The following GPC2 variants were observed in gnomAD, a reference collection of about 807,000 sequenced individuals.
GPC2 encodes the protein glypican 2.
GPC2 carries 42 observed loss-of-function variants against 57.3 expected under a neutral mutation model. The observed-to-expected ratio is 0.73, with a 90% CI of 0.57 to 0.95. The LOEUF (loss-of-function observed/expected upper bound fraction) is 0.95. GPC2 is among the 40% of genes least tolerant of loss of function. The probability of loss-of-function intolerance (pLI) is 0.00; values close to 1 mark genes in which losing one functional copy is unlikely to be tolerated. For synonymous variants in GPC2, 364 were observed against 343.4 expected (o/e 1.06, Z -0.66); for missense variants, 745 against 793.6 (o/e 0.94, Z 0.74).
chr7:100,173,185 T>C (rs1314185518), intron 5 of GPC2, among the ~76,000 whole-genome samples: 1 of 152,194 alleles, frequency 6.6e-6, no homozygotes, highest in African/African-American at 2.4e-5. Context: ...CAAGCTGGTC[T>C]TGAACTCCTG....
chr7:100,176,035 CA>C, intron 2 of GPC2, 141 bp from the exon 3 acceptor site: 1 of 819,260 alleles, frequency 1.2e-6, no homozygotes, highest in Non-Finnish European at 1.9e-6. Flanking sequence ...AGAGATGGGG[CA>C]GACAGGGAAT....
intron 9 of GPC2, chr7:100,170,940 C>T (rs1799165976): frequency 8.5e-6 from 3 of 355,010 alleles, no homozygotes; most frequent in Non-Finnish European, 1.5e-5. Context: ...AGCTCAATGT[C>T]ACCCACCACC....
In GPC2 at chr7:100,173,905, G is replaced by T. The variant is rs866123516; in HGVS notation, c.822C>A (p.Gly274=). The stretch of plus-strand genomic sequence containing the variant: ...AGCCACGAACCACGTTGAGGCAGAA[G>T]CCCTGGCAGGGCATAAGTGAGGGGA... The part of the protein sequence containing the change: ...RGVPSLMPCQ[G]FCLNVVRGCL... Residue 274 remains glycine (G), a synonymous_variant, in exon 5 of 10, where the codon GGC becomes GGA. Coordinates refer to ENST00000292377, the MANE Select transcript of GPC2 (RefSeq NM_152742.3). 6.2e-7 allele frequency: 1 copy of T among 1,606,158 alleles called. No homozygotes were observed. Among genetic ancestry groups the T allele is most frequent in the Non-Finnish European group, 8.5e-7 (1 of 1,176,466 alleles).
chr7:100,172,153 G>A lies in GPC2; in HGVS notation c.957C>T (p.Ser319=), dbSNP rs145298547. 1,506 of 1,613,986 alleles carry A rather than the reference G, an allele frequency of 9.3e-4. 1 individual carries two copies. Among genetic ancestry groups the A allele is most frequent in the Middle Eastern group, 1.2e-3 (7 of 6,062 alleles). ...AACCCTCCGAGATCTTCACCCCAAT[G>A]GACTCGGCCGTCAGCTCAAAGGAAA... ...GPFSFELTAE[S]IGVKISEGLM... is the part of the protein sequence containing the mutation. The change falls in exon 6 of 10, where the codon TCC becomes TCT. Residue 319 remains serine, a synonymous_variant. Coordinates refer to ENST00000292377, the MANE Select transcript of GPC2 (RefSeq NM_152742.3).
chr7:100,173,652 GTC>G (rs538787303), intron 5 of GPC2, 181 bp downstream of exon 5: 2,087 of 384,572 alleles, frequency 5.4e-3, no homozygotes, highest in East Asian at 7.5e-3. Flanking sequence ...TTCTTTCTCT[GTC>G]TCTCTCTCTC....
intron 4 of GPC2, 91 bp downstream of exon 4, chr7:100,174,594 T>A (rs1799237506): frequency 2.2e-6 from 2 of 930,170 alleles, no homozygotes; most frequent in Non-Finnish European, 3.5e-6. Context: ...AGGCCTGTCC[T>A]GCTGGCTGGT....
chr7:100,171,335 C>T lies in GPC2; in HGVS notation c.1412G>A (p.Arg471Gln). Residue 471 changes from arginine to glutamine, a missense_variant, in exon 9 of 10, where the codon CGG becomes CAG. Around this residue, in one of 2 missense-constraint regions of GPC2, gnomAD observed 607 missense variants for 603.9 expected, o/e 1.01. Transcript: ENST00000292377. This position sits in a 1 kb window ranked among gnomAD's most constrained non-coding sequence, Gnocchi z 4.8. ...SGPDVPTRRR[R>Q]LQLRAATARM... ...GGCCGTGGCCGCCCGGAGCTGTAGCCGACGCCGCCGTGTCGGGACATCGGG... is the reference window on the plus strand; with the variant it reads ...GGCCGTGGCCGCCCGGAGCTGTAGCTGACGCCGCCGTGTCGGGACATCGGG... 1 of 1,542,870 alleles carries T rather than the reference C, an allele frequency of 6.5e-7. No individual in the cohort carries two copies. The highest frequency in any genetic ancestry group is 8.7e-7 in the Non-Finnish European group (1 of 1,144,002).
Position 100,171,006 on chromosome 7 carries a change from G to A in GPC2, c.1486+255C>T. ...CTCCCCCATTTTCCCACTGCCCTTT[G>A]CCCATTATAAGGGGCTTCCCACTGT... On this transcript the variant is annotated intron_variant, in intron 9 of 9. Coordinates refer to ENST00000292377, the MANE Select transcript of GPC2 (RefSeq NM_152742.3). The surrounding 1 kb of genome is among the most constrained non-coding windows in gnomAD (Gnocchi z 4.8). 2.6e-6 allele frequency: 1 copy of A among 384,514 alleles called. No homozygotes were observed. The highest frequency in any genetic ancestry group is 4.6e-6 in the Non-Finnish European group (1 of 218,620). 23.8% of individuals were successfully genotyped at this position (384,514 alleles called of 1,614,324 possible).
At position 100,170,224 on chromosome 7, in the gene GPC2, C is replaced by T. The variant is rs769263562; in HGVS notation, c.*6G>A. Reference sequence around the variant, plus strand: ...ACCCTTCTGATGCTAGGGCACCCCTCCCCCGTTATCGAGGTCCAAGCAGGG... The same window carrying T: ...ACCCTTCTGATGCTAGGGCACCCCTTCCCCGTTATCGAGGTCCAAGCAGGG... On this transcript the variant is annotated 3_prime_UTR_variant, in exon 10 of 10. Transcript: ENST00000292377. 6 of 1,546,452 alleles carry T rather than the reference C, an allele frequency of 3.9e-6. No individual in the cohort carries two copies. Among genetic ancestry groups the T allele is most frequent in the Non-Finnish European group, 4.4e-6 (5 of 1,143,970 alleles).
rs968036668 is a variant in GPC2, at chr7:100,171,153, A to G, written c.1486+108T>C. 1 of 976,870 alleles carries G rather than the reference A, an allele frequency of 1.0e-6. No individual in the cohort carries two copies. 60.5% of individuals were successfully genotyped at this position (976,870 alleles called of 1,614,324 possible). On this transcript the variant is annotated intron_variant, in intron 9 of 9. Transcript: ENST00000292377. The surrounding 1 kb of genome is among the most constrained non-coding windows in gnomAD (Gnocchi z 4.8). The stretch of plus-strand genomic sequence containing the variant: ...AAATGCTCGTTGAATGAATTAGTGA[A>G]TTAATCAATGAACGCTAAGAGCAGA...
chr7:100,172,089 G>A lies in GPC2; in HGVS notation c.1021C>T (p.Gln341Ter). ...CTCCACCCTTCTCTCCCCTGTACCTGGGCGGACACCTTCGCACTGTTTTCC... is the reference window on the plus strand; with the variant it reads ...CTCCACCCTTCTCTCCCCTGTACCTAGGCGGACACCTTCGCACTGTTTTCC... ...LQENSAKVSA[Q>*]VFQECGPPDP... The change falls in exon 6 of 10, where the codon CAG becomes TAG. Residue 341 changes from glutamine (Q) to a stop codon, truncating the protein, a stop_gained and splice_region_variant. Transcript: ENST00000292377. LOFTEE classifies it high-confidence loss of function. 1 of 1,613,956 alleles carries A rather than the reference G, an allele frequency of 6.2e-7. No homozygotes were observed. The highest frequency in any genetic ancestry group is 8.5e-7 in the Non-Finnish European group (1 of 1,179,980).
chr7:100,174,507 C>T lies in GPC2; in HGVS notation c.729+178G>A, dbSNP rs762455397. 5 of 691,318 alleles carry T rather than the reference C, an allele frequency of 7.2e-6. No homozygotes were observed. The East Asian group carries it at 8.1e-5, about 11-fold the overall frequency. 42.8% of individuals were successfully genotyped at this position (691,318 alleles called of 1,614,324 possible). ...GGGGTCAGAGATCATGGATCGTGGACCATTGGAGGTTTCACTCCAGCCCCC... is the reference window on the plus strand; with the variant it reads ...GGGGTCAGAGATCATGGATCGTGGATCATTGGAGGTTTCACTCCAGCCCCC... On this transcript the variant is annotated intron_variant, in intron 4 of 9. Transcript: ENST00000292377.
chr7:100,174,087 C>G, intron 4 of GPC2, 90 bp from the exon 5 acceptor site: 2 of 1,211,650 alleles, frequency 1.7e-6, no homozygotes, highest in Non-Finnish European at 2.2e-6. Flanking sequence ...AAATCACATA[C>G]CCCACCCTAC....
chr7:100,175,141 C>A (rs1376604637), intron 3 of GPC2, among the ~76,000 whole-genome samples: 1 of 152,206 alleles, frequency 6.6e-6, no homozygotes, highest in African/African-American at 2.4e-5. Context: ...AAAATAAGGG[C>A]ATGACTGTCT....
In GPC2 at chr7:100,171,456, G is replaced by C; in HGVS notation, c.1311-20C>G. 1.5e-6 allele frequency: 2 copies of C among 1,367,894 alleles called. No homozygotes were observed. Among genetic ancestry groups the C allele is most frequent in the Non-Finnish European group, 1.9e-6 (2 of 1,065,062 alleles). 84.7% of individuals were successfully genotyped at this position (1,367,894 alleles called of 1,614,324 possible). ...AAGTACCTGCGAGCAGAGCAGCCCC[G>C]AAGCGCCAGCTAGCGCGCGCGGCCC... On this transcript the variant is annotated intron_variant, in intron 8 of 9. Coordinates refer to ENST00000292377, the MANE Select transcript of GPC2 (RefSeq NM_152742.3). This position sits in a 1 kb window ranked among gnomAD's most constrained non-coding sequence, Gnocchi z 4.8.
intron 4 of GPC2, chr7:100,174,226 A>G (rs3735242): frequency 0.45 from 231,011 of 511,394 alleles, 55,975 homozygotes; most frequent in East Asian, 0.66. Context: ...TGGAGGGAAC[A>G]TTCAAGGACA....
At position 100,171,512 on chromosome 7, in the gene GPC2, CT is replaced by C. The variant is rs757698291; in HGVS notation, c.1310+26del. ...CTCCCGGCCGCGGTCCCGCCCCCTG[CT>C]GCCCCCCGACGCCCCCGAGGCTCAC... On this transcript the variant is annotated intron_variant, in intron 8 of 9. Transcript: ENST00000292377. This position sits in a 1 kb window ranked among gnomAD's most constrained non-coding sequence, Gnocchi z 4.8. 97 of 1,355,322 alleles carry C rather than the reference CT, an allele frequency of 7.2e-5. No homozygotes were observed. The highest frequency in any genetic ancestry group is 9.0e-5 in the Non-Finnish European group (96 of 1,061,522). 84.0% of individuals were successfully genotyped at this position (1,355,322 alleles called of 1,614,324 possible). A position where few individuals can be genotyped will look rare whatever the true frequency, so the allele number is the denominator to read the frequency against.
At chr7:100,172,011 G>C (rs1799187572) in intron 6 of GPC2, 76 bp downstream of exon 6, 1 of 1,586,658 alleles carries the variant, frequency 6.3e-7, no homozygotes, top group South Asian at 1.1e-5. Flanking sequence ...TCTCTTCCCA[G>C]ATCCCCTATA....
rs1436622911 is a variant in GPC2, at chr7:100,172,120, G to A, written c.990C>T (p.Tyr330=). Residue 330 remains tyrosine, a synonymous_variant, in exon 6 of 10, where the codon TAC becomes TAT. Coordinates refer to ENST00000292377, the MANE Select transcript of GPC2 (RefSeq NM_152742.3). ...ACACCTTCGCACTGTTTTCCTGCAG[G>A]TACATCAAACCCTCCGAGATCTTCA... ...IGVKISEGLM[Y]LQENSAKVSA... is the part of the protein sequence containing the mutation. The A allele has an allele frequency of 6.4e-7, 1 of 1,566,586 alleles. No homozygotes were observed. Among genetic ancestry groups the A allele is most frequent in the East Asian group, 2.3e-5 (1 of 43,662 alleles).
Sources: gnomAD v4.1 joint callset for allele counts (sites outside exome capture counted in the v4.1 genomes callset) on GRCh38, gnomAD v4.1.1 for gene constraint, gnomAD v4.1.1 regional missense constraint, Gnocchi (gnomAD v3.1) non-coding constraint, MANE v1.5 for transcripts, NCBI Gene and HGNC (gene_info 2026-07-23, HGNC 2026-07-21) for gene names.